STK3: variants seen among roughly 807,000 people sequenced by gnomAD.
STK3 encodes serine/threonine kinase 3.
Under a neutral mutation model 58.0 loss-of-function variants are expected in STK3, and 41 were observed. The ratio of observed to expected loss-of-function variants is 0.71; its 90% CI spans 0.55 to 0.92. The LOEUF (loss-of-function observed/expected upper bound fraction) is 0.92, where lower values mean the gene tolerates loss of function less well. STK3 is among the 40% of genes least tolerant of loss of function. The probability of loss-of-function intolerance (pLI) is 0.00; values close to 1 mark genes in which losing one functional copy is unlikely to be tolerated. For synonymous variants in STK3, 170 were observed against 191.0 expected, an observed-to-expected ratio of 0.89 and a Z score of 0.91; for missense variants, 479 against 602.7, an observed-to-expected ratio of 0.79 and a Z score of 2.15.
chr8:98,703,009 G>T (rs766173887), intron 6 of STK3, among the ~76,000 whole-genome samples: 2 of 152,130 alleles, frequency 1.3e-5, no homozygotes, highest in African/African-American at 4.8e-5. Context: ...CAACTTTGTA[G>T]ATTATTGATT....
At chr8:98,366,190 A>T in the STK3 span, among the ~76,000 whole-genome samples, 1 of 152,204 alleles carries the variant, frequency 6.6e-6, no homozygotes, top group African/African-American at 2.4e-5. Context: ...ATAATGTGCA[A>T]TTGAATTTCC....
At chr8:98,707,060 T>G (rs1826019593) in intron 5 of STK3, 87 bp downstream of exon 5, 1 of 1,372,774 alleles carries the variant, frequency 7.3e-7, no homozygotes, top group African/African-American at 1.5e-5. Context: ...TTCTTTCCAT[T>G]CCCCCTCAAA....
At chr8:98,567,798 C>G (rs1293551110) in intron 8 of STK3, among the ~76,000 whole-genome samples, 1 of 152,102 alleles carries the variant, frequency 6.6e-6, no homozygotes, top group Non-Finnish European at 1.5e-5. Context: ...TGGCTCACAC[C>G]TGTAATCCCA....
intron 4 of STK3, among the ~76,000 whole-genome samples, chr8:98,742,745 G>A (rs1302139160): frequency 6.6e-6 from 1 of 151,752 alleles, no homozygotes; most frequent in East Asian, 1.9e-4. Context: ...TTAGGCAGGA[G>A]AAGGAAATCA....
In STK3 at chr8:98,708,825, C is replaced by T. The variant is rs561957816; in HGVS notation, c.352-1514G>A. Among the ~76,000 whole-genome samples, 16 of 151,854 alleles carry T rather than the reference C, an allele frequency of 1.1e-4. No homozygotes were observed. In the South Asian group the frequency reaches 3.1e-3, roughly 30 times the overall value. Reference sequence around the variant, plus strand: ...TATTTTATCTTTGTTTTCTCACCCTCTCACAAGAGTGAGAGGGGCTGTCTT... The same window carrying T: ...TATTTTATCTTTGTTTTCTCACCCTTTCACAAGAGTGAGAGGGGCTGTCTT... On this transcript the variant is annotated intron_variant, in intron 4 of 10. Transcript: ENST00000419617.
At chr8:98,799,083 T>C (rs770561848) in intron 1 of STK3, among the ~76,000 whole-genome samples, 8 of 152,190 alleles carry the variant, frequency 5.3e-5, no homozygotes, top group Non-Finnish European at 1.2e-4. Context: ...TTACCCAGTC[T>C]ATGGCATTTT....
chr8:98,879,966 A>C (rs1369848126), downstream of STK3: 1 of 152,228 alleles, frequency 6.6e-6, no homozygotes, highest in Non-Finnish European at 1.5e-5. Flanking sequence ...ATAGTCAAAA[A>C]TAAATATAAA....
chr8:98,424,733 A>G (rs1818208965), intron 3 of STK3, among the ~76,000 whole-genome samples: 1 of 152,236 alleles, frequency 6.6e-6, no homozygotes, highest in Non-Finnish European at 1.5e-5. Context: ...AATCAAACTC[A>G]AGTATGTGTA....
In STK3 at chr8:98,934,155, G is replaced by A. The variant is rs564716861; in HGVS notation, c.-79+8223C>T. Among the ~76,000 whole-genome samples, 32 of 152,300 alleles carry A rather than the reference G, an allele frequency of 2.1e-4. No individual in the cohort carries two copies. The South Asian group carries it at 5.8e-3, about 28-fold the overall frequency. On this transcript the variant is annotated intron_variant, in intron 1 of 1. Transcript: ENST00000519420. ...GTTGCCGACCAAGTCTGCTTTATAT[G>A]GCAACAGAGCCAGGAAGAATCCAGG...
chr8:98,430,219 C>A (rs1033575177), intron 3 of STK3: 3 of 167,060 alleles, frequency 1.8e-5, no homozygotes, highest in Non-Finnish European at 4.4e-5. Flanking sequence ...GCAGGCTGAG[C>A]CCCTTGGTTC....
At chr8:98,861,659 G>T (rs142039966) in intron 3 of STK3, among the ~76,000 whole-genome samples, 2 of 152,158 alleles carry the variant, frequency 1.3e-5, no homozygotes, top group East Asian at 3.9e-4. Context: ...CATTTATTTG[G>T]ATATTTAGTC....
chr8:98,563,811 A>G (rs918905371), intron 8 of STK3, among the ~76,000 whole-genome samples: 1 of 152,194 alleles, frequency 6.6e-6, no homozygotes, highest in African/African-American at 2.4e-5. Flanking sequence ...GTATTGGATT[A>G]TAATCCAAAA....
At chr8:98,427,244 A>G (rs1818249931) in intron 3 of STK3, 1 of 150,822 alleles carries the variant, frequency 6.6e-6, no homozygotes, top group South Asian at 2.1e-4. Context: ...ACGCACCGCC[A>G]GCAGGCAGCG....
At chr8:98,620,122 A>T (rs1471096700) in intron 6 of STK3, among the ~76,000 whole-genome samples, 4 of 58,356 alleles carry the variant, frequency 6.9e-5, no homozygotes, top group African/African-American at 6.8e-5. Context: ...TACACCATGG[A>T]ATACTATGCA....
chr8:98,822,920 C>G (rs150982064), intron 1 of STK3, among the ~76,000 whole-genome samples: 2 of 152,316 alleles, frequency 1.3e-5, no homozygotes, highest in Non-Finnish European at 2.9e-5. Flanking sequence ...CCCAGCCTCT[C>G]AGGAGGCTGA....
chr8:98,531,882 C>T (rs1361794012), intron 9 of STK3, among the ~76,000 whole-genome samples: 1 of 152,204 alleles, frequency 6.6e-6, no homozygotes, highest in African/African-American at 2.4e-5. Context: ...TTTTCTTCTG[C>T]AGCTTCCTTA....
At chr8:98,406,349 C>T (rs1050733775) in intron 3 of STK3, among the ~76,000 whole-genome samples, 15 of 151,876 alleles carry the variant, frequency 9.9e-5, no homozygotes, top group Non-Finnish European at 1.6e-4. Flanking sequence ...GTGTGTTACA[C>T]GGGTAAATTG....
chr8:98,695,160 GTCT>G (rs1250929091), intron 6 of STK3, among the ~76,000 whole-genome samples: 1 of 152,214 alleles, frequency 6.6e-6, no homozygotes, highest in Non-Finnish European at 1.5e-5. Flanking sequence ...TCTGAGAAGT[GTCT>G]GTTCATGTCC....
chr8:98,725,437 T>C (rs1049997018), intron 4 of STK3, among the ~76,000 whole-genome samples: 7 of 152,142 alleles, frequency 4.6e-5, no homozygotes, highest in Non-Finnish European at 7.4e-5. Flanking sequence ...ATAATTTATA[T>C]AATTAAAAGG....
Sources: allele counts gnomAD v4.1 joint callset (sites outside exome capture counted in the v4.1 genomes callset), GRCh38; gene constraint gnomAD v4.1.1; transcripts MANE v1.5; gene names NCBI Gene and HGNC (gene_info 2026-07-23, HGNC 2026-07-21).